The following ARSG variants were observed in gnomAD, a reference collection of about 807,000 sequenced individuals.
ARSG encodes ASG.
A neutral mutation model predicts 50.5 loss-of-function variants in ARSG; 37 were observed. That is an observed-to-expected ratio of 0.73 (90% CI 0.56 to 0.96). The LOEUF is 0.96. Ranked by LOEUF, ARSG falls within the 50% of genes least tolerant of loss-of-function variation. ARSG has a pLI of 0.00. For missense variants in ARSG, 629 were observed against 675.3 expected (o/e 0.93, Z 0.76); for synonymous variants, 225 against 254.6 (o/e 0.88, Z 1.11).
intron 2 of ARSG, among the ~76,000 whole-genome samples, chr17:68,339,133 C>G (rs2078155566): frequency 2.0e-5 from 3 of 151,760 alleles, no homozygotes; most frequent in Admixed American, 2.0e-4. Context: ...ATAAAATTAG[C>G]CACTTTGTAG....
chr17:68,426,303 G>A, downstream of ARSG: 1 of 735,278 alleles, frequency 1.4e-6, no homozygotes, highest in Non-Finnish European at 2.3e-6. Flanking sequence ...CTTCCCCCTG[G>A]AGGTACTGTG....
At chr17:68,412,552 C>T (rs1227228245) in intron 11 of ARSG, among the ~76,000 whole-genome samples, 5 of 152,334 alleles carry the variant, frequency 3.3e-5, no homozygotes, top group Non-Finnish European at 7.4e-5. Context: ...CTGCCCTTAA[C>T]ATTTTTTCCT....
intron 1 of ARSG, among the ~76,000 whole-genome samples, chr17:68,284,461 A>C (rs1163174643): frequency 1.3e-5 from 2 of 152,242 alleles, no homozygotes; most frequent in African/African-American, 4.8e-5. Flanking sequence ...AATTGTATAC[A>C]GGTGAATTTT....
intron 1 of ARSG, among the ~76,000 whole-genome samples, chr17:68,299,367 A>G (rs1252387057): frequency 6.6e-6 from 1 of 152,042 alleles, no homozygotes; most frequent in Non-Finnish European, 1.5e-5. Context: ...GGCCTCCCAA[A>G]GTGCTGGGAT....
intron 2 of ARSG, among the ~76,000 whole-genome samples, chr17:68,319,598 A>G (rs1248562535): frequency 6.6e-6 from 1 of 152,184 alleles, no homozygotes; most frequent in East Asian, 1.9e-4. Flanking sequence ...TGCAAGCTCA[A>G]AGTAGCCTGT....
intron 2 of ARSG, among the ~76,000 whole-genome samples, chr17:68,308,246 C>CA (rs2076684875): frequency 6.6e-6 from 1 of 152,174 alleles, no homozygotes; most frequent in South Asian, 2.1e-4. Context: ...TTCTTGGTCT[C>CA]ACTGACTTCA....
At chr17:68,360,013 T>C (rs1184581260) in intron 6 of ARSG, among the ~76,000 whole-genome samples, 1 of 152,162 alleles carries the variant, frequency 6.6e-6, no homozygotes, top group Non-Finnish European at 1.5e-5. Context: ...TCTTCTGCTT[T>C]TGTGGTGACT....
intron 9 of ARSG, among the ~76,000 whole-genome samples, chr17:68,387,430 A>T (rs1184442308): frequency 1.3e-5 from 2 of 152,210 alleles, no homozygotes; most frequent in Non-Finnish European, 2.9e-5. Flanking sequence ...CACACAGCCA[A>T]GGCTAGTTTT....
intron 1 of ARSG, among the ~76,000 whole-genome samples, chr17:68,266,631 G>T (rs2075172566): frequency 6.6e-6 from 1 of 151,524 alleles, no homozygotes; most frequent in African/African-American, 2.4e-5. Flanking sequence ...CCAACATGGT[G>T]AAACCCAATC....
intron 2 of ARSG, among the ~76,000 whole-genome samples, chr17:68,333,497 G>A (rs1416991311): frequency 6.6e-6 from 1 of 151,156 alleles, no homozygotes; most frequent in Non-Finnish European, 1.5e-5. Context: ...GCATGGTGGT[G>A]TACGCCTGTA....
intron 1 of ARSG, among the ~76,000 whole-genome samples, chr17:68,273,147 TAAC>T (rs1467504568): frequency 1.3e-5 from 2 of 152,158 alleles, no homozygotes; most frequent in Admixed American, 6.6e-5. Flanking sequence ...CTGCAAATCT[TAAC>T]AACTGTGTGT....
chr17:68,290,233 G>C (rs782489304), upstream of ARSG, among the ~76,000 whole-genome samples: 7 of 152,150 alleles, frequency 4.6e-5, no homozygotes, highest in African/African-American at 7.2e-5. Context: ...TTGGCTCCGG[G>C]GAGCTTTTTC....
chr17:68,412,068 T>TTA (rs1372334306), intron 11 of ARSG, among the ~76,000 whole-genome samples: 24 of 152,382 alleles, frequency 1.6e-4, no homozygotes, highest in African/African-American at 5.5e-4. Context: ...TCTTGACTCT[T>TTA]TATCCAATTT....
rs924030913 is a variant in ARSG at position 68,306,611 on chromosome 17, C to T, written c.-551-332C>T. ...CTTGGTAATAAGGGTCTCACCTCTCCTTCTGGAATTCTCAGTGGCACACTG... is the reference window on the plus strand; with the variant it reads ...CTTGGTAATAAGGGTCTCACCTCTCTTTCTGGAATTCTCAGTGGCACACTG... On this transcript the variant is annotated intron_variant, in intron 1 of 11. Coordinates refer to ENST00000621439, the MANE Select transcript of ARSG (RefSeq NM_001267727.2). 5.3e-5 allele frequency among the ~76,000 whole-genome samples: 8 copies of T among 152,270 alleles called. No homozygotes were observed. The East Asian group carries it at 1.2e-3, about 22-fold the overall frequency.
intron 2 of ARSG, among the ~76,000 whole-genome samples, chr17:68,315,597 G>A (rs2145753429): frequency 6.6e-6 from 1 of 151,816 alleles, no homozygotes; most frequent in South Asian, 2.1e-4. Context: ...TTTTTGTGCT[G>A]TCCAAGCATA....
intron 1 of ARSG, among the ~76,000 whole-genome samples, chr17:68,296,379 A>G (rs939045976): frequency 6.6e-6 from 1 of 152,114 alleles, no homozygotes; most frequent in South Asian, 2.1e-4. Context: ...CTAAACAGGT[A>G]CCTCCTGTCC....
intron 1 of ARSG, among the ~76,000 whole-genome samples, chr17:68,284,417 T>C (rs781994877): frequency 1.4e-4 from 21 of 152,014 alleles, no homozygotes; most frequent in Non-Finnish European, 2.8e-4. Flanking sequence ...AAATAATAAA[T>C]AAAATGTAAA....
intron 2 of ARSG, among the ~76,000 whole-genome samples, chr17:68,340,512 C>G (rs2078220948): frequency 6.6e-6 from 1 of 152,136 alleles, no homozygotes; most frequent in Non-Finnish European, 1.5e-5. Context: ...TCTCGAACTC[C>G]TGGCCTCAAG....
intron 1 of ARSG, among the ~76,000 whole-genome samples, chr17:68,261,206 A>G (rs2075067006): frequency 6.6e-6 from 1 of 152,186 alleles, no homozygotes; most frequent in Non-Finnish European, 1.5e-5. Context: ...AAAAAAGTCT[A>G]TAACTCATTC....
Sources: allele counts gnomAD v4.1 joint callset (sites outside exome capture counted in the v4.1 genomes callset), GRCh38; gene constraint gnomAD v4.1.1; transcripts MANE v1.5; gene names NCBI Gene and HGNC (gene_info 2026-07-23, HGNC 2026-07-21).